FREM2: variants seen among roughly 807,000 people sequenced by gnomAD.
The protein encoded by FREM2 is FRAS1 related extracellular matrix 2.
In FREM2, 119 loss-of-function variants were observed where a neutral mutation model predicts 219.9. The observed-to-expected ratio is 0.54, with a 90% CI of 0.47 to 0.63. The LOEUF (loss-of-function observed/expected upper bound fraction) is 0.63. Ranked by LOEUF, FREM2 falls within the 30% of genes least tolerant of loss-of-function variation. FREM2 has a pLI of 0.00. For synonymous variants in FREM2, 1,562 were observed against 1,522.8 expected (o/e 1.03, Z -0.60); for missense variants, 4,030 against 3,993.6 (o/e 1.01, Z -0.25).
chr13:38,851,846 A>G lies in FREM2; in HGVS notation c.6903A>G (p.Glu2301=), dbSNP rs540389260. The G allele has an allele frequency of 1.9e-6, 3 of 1,613,888 alleles. No homozygotes were observed. The African/African-American group carries it at 4.0e-5, about 22-fold the overall frequency. ...AGGATGGCTCGGCCACCTCTGGAGAAGACTACCACCCTGTGTCAGAAGGTA... is the reference window on the plus strand; with the variant it reads ...AGGATGGCTCGGCCACCTCTGGAGAGGACTACCACCCTGTGTCAGAAGGTA... ...HTKDGSATSG[E]DYHPVSEEIE... is the part of the protein sequence containing the mutation. The change falls in exon 11 of 24, where the codon GAA becomes GAG. Residue 2301 remains glutamate (E), a synonymous_variant. Coordinates refer to ENST00000280481, the MANE Select transcript of FREM2 (RefSeq NM_207361.6).
Position 38,733,746 on chromosome 13 carries a change from A to G in FREM2, c.5264-30558A>G, listed in dbSNP as rs191051449. ...TGGTCTTGAGCCCCTGGCCTCAAAC[A>G]ATCCTCTTGCCTTGGCCTCCCAAAG... On this transcript the variant is annotated intron_variant, in intron 2 of 23. Coordinates refer to ENST00000280481, the MANE Select transcript of FREM2 (RefSeq NM_207361.6). Among the ~76,000 whole-genome samples, 464 of 152,260 alleles carry G rather than the reference A, an allele frequency of 3.0e-3. 3 individuals are homozygous for G. Among genetic ancestry groups the G allele is most frequent in the African/African-American group, 0.011 (446 of 41,560 alleles).
intron 2 of FREM2, among the ~76,000 whole-genome samples, chr13:38,718,619 T>C (rs190540265): frequency 1.3e-5 from 2 of 152,326 alleles, no homozygotes; most frequent in Admixed American, 1.3e-4. Context: ...TACTAATGGC[T>C]CTCATTCTAC....
chr13:38,870,530 G>T (rs201946986), intron 16 of FREM2, among the ~76,000 whole-genome samples: 24 of 104,196 alleles, frequency 2.3e-4, no homozygotes, highest in Non-Finnish European at 4.7e-4. Flanking sequence ...TGCTTTTTAA[G>T]TTGACATCTA....
intron 20 of FREM2, 43 bp from the exon 21 acceptor site, chr13:38,877,074 C>T: frequency 6.2e-7 from 1 of 1,611,582 alleles, no homozygotes; most frequent in Non-Finnish European, 8.5e-7. Context: ...TGTGCACCAT[C>T]AGAACCACTG....
chr13:38,745,866 T>G (rs1303108687), intron 2 of FREM2, among the ~76,000 whole-genome samples: 1 of 152,186 alleles, frequency 6.6e-6, no homozygotes, highest in Non-Finnish European at 1.5e-5. Flanking sequence ...TGTATTTGAC[T>G]TTCTCATCTC....
At chr13:38,830,761 G>A (rs987612722) in intron 6 of FREM2, among the ~76,000 whole-genome samples, 2 of 151,904 alleles carry the variant, frequency 1.3e-5, no homozygotes, top group African/African-American at 2.4e-5. Flanking sequence ...AGCATTGAAG[G>A]TCCAGCTCAC....
At chr13:38,768,051 A>G (rs1178005162) in intron 3 of FREM2, among the ~76,000 whole-genome samples, 1 of 152,208 alleles carries the variant, frequency 6.6e-6, no homozygotes, top group Non-Finnish European at 1.5e-5. Context: ...GTTCTCTGAT[A>G]CAGCCCCAGC....
chr13:38,875,331 T>C (rs1255662519), intron 18 of FREM2, among the ~76,000 whole-genome samples: 1 of 152,144 alleles, frequency 6.6e-6, no homozygotes, highest in African/African-American at 2.4e-5. Context: ...CTTTTCTTTT[T>C]CTGGACTTGA....
chr13:38,866,169 G>A (rs2024753804), intron 16 of FREM2, among the ~76,000 whole-genome samples: 1 of 152,168 alleles, frequency 6.6e-6, no homozygotes, highest in African/African-American at 2.4e-5. Flanking sequence ...TATAGAAATA[G>A]GATTATGTTG....
intron 18 of FREM2, among the ~76,000 whole-genome samples, chr13:38,874,887 C>A (rs1452593204): frequency 6.6e-6 from 1 of 152,180 alleles, no homozygotes; most frequent in Non-Finnish European, 1.5e-5. Context: ...ATAATCATTT[C>A]TTTCTCTGCT....
chr13:38,769,284 G>A (rs1039177285), intron 3 of FREM2, among the ~76,000 whole-genome samples: 6 of 152,172 alleles, frequency 3.9e-5, no homozygotes, highest in Non-Finnish European at 8.8e-5. Flanking sequence ...ATTGAACAAT[G>A]TGAATATACA....
rs191034586 is a variant in FREM2 at position 38,768,947 on chromosome 13, C to T, written c.5411-631C>T. Among the ~76,000 whole-genome samples, 10 of 152,312 alleles carry T rather than the reference C, an allele frequency of 6.6e-5. No homozygotes were observed. In the East Asian group the frequency reaches 1.9e-3, roughly 29 times the overall value. On this transcript the variant is annotated intron_variant, in intron 3 of 23. Transcript: ENST00000280481. ...TCATAATAACCATATATATTTAGCT[C>T]TCCAATTCTGTTTATTTAATTTCAT...
intron 2 of FREM2, among the ~76,000 whole-genome samples, chr13:38,724,368 A>C (rs1871423246): frequency 6.6e-6 from 1 of 152,212 alleles, no homozygotes; most frequent in South Asian, 2.1e-4. Flanking sequence ...AAAGATAATG[A>C]AACTTAACCA....
chr13:38,863,841 G>T (rs1479044692), intron 15 of FREM2, among the ~76,000 whole-genome samples: 2 of 151,798 alleles, frequency 1.3e-5, no homozygotes, highest in East Asian at 1.9e-4. Context: ...TTTTGTAGGG[G>T]TTTTTTTTGA....
chr13:38,764,911 A>ATTTGT (rs933263353), intron 3 of FREM2, among the ~76,000 whole-genome samples: 5 of 152,222 alleles, frequency 3.3e-5, no homozygotes, highest in East Asian at 1.9e-4. Context: ...TCAAGTTCAT[A>ATTTGT]TTTGTTTTGT....
intron 2 of FREM2, among the ~76,000 whole-genome samples, chr13:38,733,123 A>C (rs1457938883): frequency 6.6e-6 from 1 of 152,168 alleles, no homozygotes; most frequent in Non-Finnish European, 1.5e-5. Context: ...AAGAGGAAGG[A>C]TATTTTGCAG....
chr13:38,860,694 C>T (rs12429381), intron 14 of FREM2, among the ~76,000 whole-genome samples: 35,675 of 152,066 alleles, frequency 0.23, 5,010 homozygotes, highest in African/African-American at 0.39. Context: ...CCAAGTTCTC[C>T]TGAAATTATA....
At chr13:38,761,975 G>A (rs1388569843) in intron 2 of FREM2, among the ~76,000 whole-genome samples, 1 of 152,208 alleles carries the variant, frequency 6.6e-6, no homozygotes, top group Non-Finnish European at 1.5e-5. Context: ...GGCAAGAGGG[G>A]CAAAGGAGAA....
At chr13:38,725,734 A>G (rs1452930084) in intron 2 of FREM2, among the ~76,000 whole-genome samples, 1 of 152,220 alleles carries the variant, frequency 6.6e-6, no homozygotes, top group Non-Finnish European at 1.5e-5. Flanking sequence ...CAAGGGAAGG[A>G]TATAATCTAA....
Sources: allele counts gnomAD v4.1 joint callset (sites outside exome capture counted in the v4.1 genomes callset), GRCh38; gene constraint gnomAD v4.1.1; transcripts MANE v1.5; gene names NCBI Gene and HGNC (gene_info 2026-07-23, HGNC 2026-07-21).